Variants in CARS2 observed in about 807,000 individuals in gnomAD.
CARS2 encodes the protein probable cysteine--tRNA ligase, mitochondrial.
Under a neutral mutation model 68.8 loss-of-function variants are expected in CARS2, and 52 were observed. The observed-to-expected ratio is 0.76, with a 90% CI of 0.61 to 0.95. The LOEUF (loss-of-function observed/expected upper bound fraction) is 0.95. Ranked by LOEUF, CARS2 falls within the 40% of genes least tolerant of loss-of-function variation. The pLI, the probability that CARS2 is intolerant of heterozygous loss-of-function variation, is 0.00. For missense variants in CARS2, 780 were observed against 754.2 expected (o/e 1.03, Z -0.40); for synonymous variants, 314 against 303.6 (o/e 1.03, Z -0.36).
intron 1 of CARS2, chr13:110,712,530 A>AGG (rs144160325): frequency 0.29 from 71,826 of 244,492 alleles, 7,639 homozygotes; most frequent in Non-Finnish European, 0.34. Flanking sequence ...TTTGGCCGGA[A>AGG]GGGGGGGGGC....
chr13:110,688,010 A>G lies in CARS2; in HGVS notation c.402T>C (p.Ile134=), dbSNP rs924146109. 7 of 1,608,898 alleles carry G rather than the reference A, an allele frequency of 4.4e-6. No homozygotes were observed. The highest frequency in any genetic ancestry group is 1.7e-5 in the Admixed American group (1 of 59,954). The part of the protein sequence containing the change: ...KIIKRANEMN[I]SPASLASLYE... Reference sequence around the variant, plus strand: ...AAAGACTGGCGAGGGAAGCGGGGGAAATATTCATCTGCAGAAGGATTAGAT... The same window carrying G: ...AAAGACTGGCGAGGGAAGCGGGGGAGATATTCATCTGCAGAAGGATTAGAT... Residue 134 remains isoleucine (I), a synonymous_variant, in exon 4 of 15, where the codon ATT becomes ATC. Transcript: ENST00000257347.
intron 13 of CARS2, chr13:110,642,981 C>T (rs1045186187): frequency 1.9e-5 from 7 of 363,466 alleles, no homozygotes; most frequent in East Asian, 7.3e-5. Flanking sequence ...CAGAAGGCCT[C>T]GCGCTGTCCT....
intron 1 of CARS2, among the ~76,000 whole-genome samples, chr13:110,711,681 A>C (rs1232509035): frequency 6.6e-6 from 1 of 152,252 alleles, no homozygotes; most frequent in Non-Finnish European, 1.5e-5. Flanking sequence ...TGTGTAGGTG[A>C]GATGAAGGGG....
intron 3 of CARS2, among the ~76,000 whole-genome samples, chr13:110,689,898 C>A (rs1172289834): frequency 6.6e-6 from 1 of 152,148 alleles, no homozygotes; most frequent in East Asian, 1.9e-4. Context: ...TCAGACTCCC[C>A]CGGAAGTCTC....
intron 3 of CARS2, among the ~76,000 whole-genome samples, chr13:110,698,450 G>A (rs1363662153): frequency 1.3e-5 from 2 of 151,846 alleles, no homozygotes; most frequent in Non-Finnish European, 2.9e-5. Context: ...ACCCCGGGAT[G>A]TGGAGGTTGC....
intron 7 of CARS2, among the ~76,000 whole-genome samples, chr13:110,669,683 G>A (rs1273321106): frequency 2.0e-5 from 3 of 152,124 alleles, no homozygotes; most frequent in Non-Finnish European, 4.4e-5. Context: ...ATTTCCAACT[G>A]AGGTACTGGC....
At chr13:110,697,365 T>C (rs2063653227) in intron 3 of CARS2, among the ~76,000 whole-genome samples, 1 of 152,226 alleles carries the variant, frequency 6.6e-6, no homozygotes, top group Non-Finnish European at 1.5e-5. Flanking sequence ...ACTGCCAGTC[T>C]CTCAATGATC....
At chr13:110,713,124 G>A (rs2139961688) in intron 1 of CARS2, 2 of 1,429,132 alleles carry the variant, frequency 1.4e-6, no homozygotes, top group Non-Finnish European at 9.1e-7. Context: ...AGAGTCCGGG[G>A]GGCATTACTC....
intron 6 of CARS2, among the ~76,000 whole-genome samples, chr13:110,681,280 C>T (rs191134498): frequency 1.3e-5 from 2 of 152,266 alleles, no homozygotes; most frequent in African/African-American, 4.8e-5. Flanking sequence ...AAAAAGACAA[C>T]ACCATTGCTT....
In CARS2 at chr13:110,666,507, C is replaced by T. The variant is rs1327786440; in HGVS notation, c.919+833G>A. 5.1e-6 allele frequency: 5 copies of T among 985,154 alleles called. No individual in the cohort carries two copies. In the East Asian group the frequency reaches 3.4e-4, roughly 67 times the overall value. 61.0% of individuals were successfully genotyped at this position (985,154 alleles called of 1,614,324 possible). On this transcript the variant is annotated intron_variant, in intron 8 of 14. Transcript: ENST00000257347. ...GTTCCCCGACTCAACAGGGTAAGCC[C>T]GGGGTGAAGGACATGCTGCAGGAAG...
intron 3 of CARS2, among the ~76,000 whole-genome samples, chr13:110,700,137 G>A (rs2063741381): frequency 6.6e-6 from 1 of 152,244 alleles, no homozygotes; most frequent in South Asian, 2.1e-4. Flanking sequence ...TCTTCTGCAA[G>A]ATGGGGACAC....
chr13:110,682,872 A>G (rs2063197542), intron 6 of CARS2, among the ~76,000 whole-genome samples, 179 bp downstream of exon 6: 1 of 152,194 alleles, frequency 6.6e-6, no homozygotes, highest in Non-Finnish European at 1.5e-5. Context: ...CGTTTGAACT[A>G]TATGCCTCAC....
chr13:110,663,357 TG>T, intron 9 of CARS2, 93 bp downstream of exon 9: 1 of 1,268,566 alleles, frequency 7.9e-7, no homozygotes, highest in South Asian at 1.5e-5. Flanking sequence ...GCACTGGGAA[TG>T]GGATTCCGTG....
At chr13:110,666,243 C>CG in intron 8 of CARS2, 1 of 985,374 alleles carries the variant, frequency 1.0e-6, no homozygotes, top group Admixed American at 6.1e-5. Context: ...CCAGCTGAAA[C>CG]GGAAGTGAGG....
At chr13:110,712,266 A>T (rs2064035609) in intron 1 of CARS2, 1 of 153,504 alleles carries the variant, frequency 6.5e-6, no homozygotes, top group Admixed American at 6.5e-5. Context: ...CCAGTGAGAA[A>T]GGTGAAAACT....
At position 110,679,345 on chromosome 13, in the gene CARS2, T is replaced by TATGAC. The variant is rs1171005624; in HGVS notation, c.656-2247_656-2243dup. Among the ~76,000 whole-genome samples, 4 of 151,480 alleles carry TATGAC rather than the reference T, an allele frequency of 2.6e-5. No homozygotes were observed. In the East Asian group the frequency reaches 7.8e-4, roughly 30 times the overall value. ...AGGAGTTCGAGACCAGCCTGACCAATATGACGAAACCTCGTCTCTACTAAA... is the reference window on the plus strand; with the variant it reads ...AGGAGTTCGAGACCAGCCTGACCAATATGACATGACGAAACCTCGTCTCTACTAAA... On this transcript the variant is annotated intron_variant, in intron 6 of 14. Coordinates refer to ENST00000257347, the MANE Select transcript of CARS2 (RefSeq NM_024537.4).
At chr13:110,664,039 T>C (rs1184245319) in intron 8 of CARS2, 2 of 985,262 alleles carry the variant, frequency 2.0e-6, no homozygotes, top group African/African-American at 1.7e-5. Flanking sequence ...TGGGTATTAT[T>C]TCATCCCCTA....
chr13:110,651,087 G>T lies in CARS2; in HGVS notation c.1001C>A (p.Thr334Asn). 6.2e-7 allele frequency: 1 copy of T among 1,613,498 alleles called. No individual in the cohort carries two copies. The change falls in exon 10 of 15, where the codon ACC becomes AAC. Residue 334 changes from threonine (T) to asparagine (N), a missense_variant. Transcript: ENST00000257347. ...NYITIKDFLK[T>N]FSPDVFRFFC... is the part of the protein sequence containing the mutation. ...GAACCGGAAGACATCGGGGGAAAAG[G>T]TCTTCAGAAAGTCCTGGTAAAGCGA...
chr13:110,685,990 A>G (rs2063290033), intron 5 of CARS2, among the ~76,000 whole-genome samples: 1 of 87,284 alleles, frequency 1.1e-5, no homozygotes, highest in Non-Finnish European at 2.2e-5. Flanking sequence ...CCCAGAAAAA[A>G]TGAAAAAAAA....
Sources: allele counts gnomAD v4.1 joint callset (sites outside exome capture counted in the v4.1 genomes callset), GRCh38; gene constraint gnomAD v4.1.1; transcripts MANE v1.5; gene names NCBI Gene and HGNC (gene_info 2026-07-23, HGNC 2026-07-21).